SNX29: variants seen among roughly 807,000 people sequenced by gnomAD.
SNX29 encodes sorting nexin 29.
Under a neutral mutation model 102.1 loss-of-function variants are expected in SNX29, and 78 were observed. The ratio of observed to expected loss-of-function variants is 0.76; its 90% confidence interval spans 0.64 to 0.92. SNX29 has a LOEUF of 0.92. Ranked by LOEUF, SNX29 falls within the 40% of genes least tolerant of loss-of-function variation. The pLI, the probability that SNX29 is intolerant of heterozygous loss-of-function variation, is 0.00. For synonymous variants in SNX29, 580 were observed against 414.5 expected (o/e 1.40, Z -4.85); for missense variants, 1,280 against 1,061.7 (o/e 1.21, Z -2.86).
intron 14 of SNX29, among the ~76,000 whole-genome samples, chr16:12,246,999 G>C: frequency 6.6e-6 from 1 of 152,184 alleles, no homozygotes; most frequent in East Asian, 1.9e-4. Flanking sequence ...TGTGTTGCTA[G>C]AACTCAGAGA....
chr16:12,010,196 T>G (rs1244202659), intron 3 of SNX29, among the ~76,000 whole-genome samples: 1 of 152,234 alleles, frequency 6.6e-6, no homozygotes, highest in Non-Finnish European at 1.5e-5. Flanking sequence ...TGTTAGCTGT[T>G]GTGATTTTCA....
At chr16:12,410,293 C>T (rs934105687) in intron 18 of SNX29, among the ~76,000 whole-genome samples, 9 of 152,064 alleles carry the variant, frequency 5.9e-5, no homozygotes, top group Non-Finnish European at 7.4e-5. Flanking sequence ...TGCGCCTGGC[C>T]GCGTTTTTTT....
rs998817600 is a variant in SNX29 at position 12,052,365 on chromosome 16, T to A, written c.1124+143T>A. ...CCGAGTAGCTGGGATTACAGGCACC[T>A]GTCACCACACCCAGCTAATTTTTGT... On this transcript the variant is annotated intron_variant, in intron 8 of 20. Transcript: ENST00000566228. 5 of 831,084 alleles carry A rather than the reference T, an allele frequency of 6.0e-6. No homozygotes were observed. The African/African-American group carries it at 6.9e-5, about 11-fold the overall frequency. 51.5% of individuals were successfully genotyped at this position (831,084 alleles called of 1,614,324 possible).
At chr16:12,092,476 A>G (rs905029070) in intron 11 of SNX29, among the ~76,000 whole-genome samples, 3 of 152,188 alleles carry the variant, frequency 2.0e-5, no homozygotes, top group Non-Finnish European at 2.9e-5. Context: ...TGAGTTGCTC[A>G]AGGGAGTGGA....
chr16:12,297,201 G>A (rs902868401), intron 15 of SNX29: 1 of 152,412 alleles, frequency 6.6e-6, no homozygotes. Context: ...CACGGCACCT[G>A]TTGGGGTCTG....
intron 15 of SNX29, among the ~76,000 whole-genome samples, chr16:12,283,169 C>T (rs1355882124): frequency 6.6e-6 from 1 of 152,114 alleles, no homozygotes; most frequent in Non-Finnish European, 1.5e-5. Context: ...AGTGTCCAGC[C>T]CTTAGCTTCC....
At chr16:12,457,624 G>A (rs532832133) in intron 18 of SNX29, among the ~76,000 whole-genome samples, 63 of 152,308 alleles carry the variant, frequency 4.1e-4, no homozygotes, top group African/African-American at 1.5e-3. Context: ...TTTGGGCAAG[G>A]CCCTGTTCAC....
At chr16:12,539,892 G>A (rs1048549672) in intron 20 of SNX29, among the ~76,000 whole-genome samples, 34 of 152,266 alleles carry the variant, frequency 2.2e-4, no homozygotes, top group African/African-American at 7.7e-4. Context: ...GGCTGTTTGT[G>A]GTTTTACAAA....
chr16:12,111,319 C>G (rs1365481610), intron 11 of SNX29, among the ~76,000 whole-genome samples: 1 of 152,202 alleles, frequency 6.6e-6, no homozygotes, highest in Non-Finnish European at 1.5e-5. Flanking sequence ...GCACAAAATC[C>G]ATGTTTTTGC....
chr16:12,254,271 TGA>T (rs752679593), intron 14 of SNX29, among the ~76,000 whole-genome samples: 2 of 152,114 alleles, frequency 1.3e-5, no homozygotes, highest in Non-Finnish European at 2.9e-5. Flanking sequence ...ATAACGTTTC[TGA>T]GAGAGTGAGT....
intron 19 of SNX29, among the ~76,000 whole-genome samples, chr16:12,523,803 C>A (rs2090191046): frequency 6.6e-6 from 1 of 152,194 alleles, no homozygotes; most frequent in African/African-American, 2.4e-5. Flanking sequence ...ACCTGGGGAC[C>A]TGTGCCTGCC....
intron 18 of SNX29, among the ~76,000 whole-genome samples, chr16:12,461,898 G>C (rs1292611446): frequency 7.1e-6 from 1 of 140,462 alleles, no homozygotes; most frequent in Non-Finnish European, 1.5e-5. Flanking sequence ...GGAGGTTGCA[G>C]TGAGCTGAGA....
At chr16:12,433,663 G>A (rs2085409825) in intron 18 of SNX29, among the ~76,000 whole-genome samples, 1 of 147,088 alleles carries the variant, frequency 6.8e-6, no homozygotes, top group Non-Finnish European at 1.5e-5. Context: ...AAACTTAGCT[G>A]GGCGTGGTGG....
chr16:12,536,743 C>A (rs1232293243), intron 20 of SNX29, among the ~76,000 whole-genome samples: 1 of 152,108 alleles, frequency 6.6e-6, no homozygotes, highest in Non-Finnish European at 1.5e-5. Flanking sequence ...TTTGGGAGGT[C>A]AAGGCAGGCG....
chr16:12,533,881 C>T (rs1031473029), intron 20 of SNX29, among the ~76,000 whole-genome samples: 5 of 152,204 alleles, frequency 3.3e-5, no homozygotes, highest in Admixed American at 1.3e-4. Context: ...AAGTCCTTGA[C>T]CTTTTCAAGA....
chr16:12,536,244 T>C (rs2077075802), intron 20 of SNX29, among the ~76,000 whole-genome samples: 1 of 152,134 alleles, frequency 6.6e-6, no homozygotes, highest in African/African-American at 2.4e-5. Flanking sequence ...TTTTCTTTTT[T>C]ATGCATGAGA....
At position 12,483,114 on chromosome 16, in the gene SNX29, G is replaced by GTTTTTTTTTTT. The variant is rs574090459; in HGVS notation, c.2178+5274_2178+5284dup. On this transcript the variant is annotated intron_variant, in intron 19 of 20. Coordinates refer to ENST00000566228, the MANE Select transcript of SNX29 (RefSeq NM_032167.5). ...AATAGATACATATTGAAGTTATTAAGTTTTTTTTTTTTTTTTTTTTTTTTT... is the reference window on the plus strand; with the variant it reads ...AATAGATACATATTGAAGTTATTAAGTTTTTTTTTTTTTTTTTTTTTTTTTTTTTTTTTTTT... 1.6e-3 allele frequency among the ~76,000 whole-genome samples: 103 copies of GTTTTTTTTTTT among 66,208 alleles called. 19 individuals are homozygous for GTTTTTTTTTTT. Among genetic ancestry groups the GTTTTTTTTTTT allele is most frequent in the African/African-American group, 3.8e-3 (63 of 16,478 alleles). 43.4% of individuals were successfully genotyped at this position (66,208 alleles called of 152,430 possible).
At chr16:12,211,996 GATTCCT>G (rs2077197381) in intron 14 of SNX29, among the ~76,000 whole-genome samples, 1 of 152,120 alleles carries the variant, frequency 6.6e-6, no homozygotes, top group African/African-American at 2.4e-5. Context: ...GTAGAGCCGA[GATTCCT>G]ACCCAGATCT....
chr16:12,276,562 C>T (rs950178565), intron 14 of SNX29, among the ~76,000 whole-genome samples: 5 of 152,152 alleles, frequency 3.3e-5, no homozygotes. Context: ...GCCTCACTGC[C>T]CCTCCATACA....
Sources: gnomAD v4.1 joint callset for allele counts (sites outside exome capture counted in the v4.1 genomes callset) on GRCh38, gnomAD v4.1.1 for gene constraint, MANE v1.5 for transcripts, NCBI Gene and HGNC (gene_info 2026-07-23, HGNC 2026-07-21) for gene names.